HERC4: variants seen among roughly 807,000 people sequenced by gnomAD.
HERC4 encodes the protein probable E3 ubiquitin-protein ligase HERC4.
In HERC4, 28 loss-of-function variants were observed where a neutral mutation model predicts 124.3. The observed-to-expected ratio is 0.23, with a 90% CI of 0.17 to 0.31. The LOEUF (loss-of-function observed/expected upper bound fraction) is 0.31, where lower values mean the gene tolerates loss of function less well. Among genes scored for constraint, HERC4 ranks in the 10% least tolerant of loss-of-function variants. The pLI is 1.00. For missense variants in HERC4, 713 were observed against 1,229.3 expected, an observed-to-expected ratio of 0.58 and a Z score of 6.28; for synonymous variants, 407 against 421.5, an observed-to-expected ratio of 0.97 and a Z score of 0.42.
chr10:68,043,743 G>A (rs1303696573), intron 4 of HERC4, among the ~76,000 whole-genome samples: 1 of 150,982 alleles, frequency 6.6e-6, no homozygotes, highest in Non-Finnish European at 1.5e-5. Flanking sequence ...TTGAAACCAG[G>A]AGGTGGAGGT....
intron 21 of HERC4, among the ~76,000 whole-genome samples, chr10:67,937,173 C>G (rs1339500634): frequency 6.6e-6 from 1 of 151,692 alleles, no homozygotes; most frequent in South Asian, 2.1e-4. Flanking sequence ...CAATAAATAC[C>G]AAGTTTCTGA....
At chr10:67,986,089 C>T (rs1227289557) in intron 15 of HERC4, among the ~76,000 whole-genome samples, 1 of 152,110 alleles carries the variant, frequency 6.6e-6, no homozygotes, top group African/African-American at 2.4e-5. Flanking sequence ...TCTACAGATA[C>T]CTATTTATGG....
At chr10:68,065,256 C>G (rs1051386364) in intron 3 of HERC4, among the ~76,000 whole-genome samples, 2 of 151,566 alleles carry the variant, frequency 1.3e-5, no homozygotes, top group Non-Finnish European at 2.9e-5. Context: ...TAATTCTCTA[C>G]CAAGAACATG....
chr10:68,007,316 T>C (rs986065102), intron 9 of HERC4, among the ~76,000 whole-genome samples: 7 of 152,192 alleles, frequency 4.6e-5, no homozygotes, highest in Non-Finnish European at 1.0e-4. Context: ...TATTTCACCA[T>C]TGTTTTAATC....
chr10:67,945,116 G>C (rs1156757505), intron 19 of HERC4, among the ~76,000 whole-genome samples: 1 of 152,120 alleles, frequency 6.6e-6, no homozygotes, highest in Admixed American at 6.6e-5. Flanking sequence ...ACAGAATACA[G>C]AGCAAATTTA....
At chr10:67,936,116 C>A (rs2032334831) in intron 22 of HERC4, 37 bp downstream of exon 22, 2 of 1,320,328 alleles carry the variant, frequency 1.5e-6, no homozygotes, top group Non-Finnish European at 2.1e-6. Context: ...TCTACTGAAT[C>A]TTATTACTCC....
chr10:67,959,029 A>C (rs1230546539), intron 16 of HERC4: 3 of 1,173,002 alleles, frequency 2.6e-6, no homozygotes, highest in Non-Finnish European at 3.7e-6. Flanking sequence ...CACACCAAAA[A>C]AACGAATCTT....
chr10:67,991,632 C>T (rs2036557750), intron 11 of HERC4, among the ~76,000 whole-genome samples: 1 of 151,920 alleles, frequency 6.6e-6, no homozygotes. Context: ...CAAATACAAC[C>T]CATCATCCCA....
At chr10:67,948,929 AAAAT>A in intron 19 of HERC4, among the ~76,000 whole-genome samples, 1 of 150,682 alleles carries the variant, frequency 6.6e-6, no homozygotes, top group African/African-American at 2.4e-5. Context: ...TCACACCCTC[AAAAT>A]AAATAAATAA....
intron 3 of HERC4, among the ~76,000 whole-genome samples, chr10:68,060,540 T>C (rs533057092): frequency 6.6e-6 from 1 of 152,248 alleles, no homozygotes; most frequent in South Asian, 2.1e-4. Context: ...CGTCCAGCCA[T>C]AAATAATACA....
In HERC4 at chr10:67,962,539, C is replaced by T. The variant is rs185396824; in HGVS notation, c.1926+4144G>A. On this transcript the variant is annotated intron_variant, in intron 16 of 24. Transcript: ENST00000373700. ...GGCAAGAATATGAAAAATAATAGGA[C>T]GTGAAAAACTTCAGAAAAAGAGAGA... is the stretch of plus-strand genomic sequence containing the variant. Among the ~76,000 whole-genome samples the T allele has an allele frequency of 1.8e-4, 27 of 151,584 alleles. No homozygotes were observed. The East Asian group carries it at 2.9e-3, about 16-fold the overall frequency.
At chr10:68,012,880 T>C (rs892890860) in intron 9 of HERC4, among the ~76,000 whole-genome samples, 9 of 152,244 alleles carry the variant, frequency 5.9e-5, no homozygotes, top group African/African-American at 1.9e-4. Flanking sequence ...ATTATTATTT[T>C]ATCTTTTATG....
chr10:67,989,227 TCTAA>T (rs2036425841), intron 14 of HERC4, among the ~76,000 whole-genome samples: 1 of 152,098 alleles, frequency 6.6e-6, no homozygotes. Flanking sequence ...AAAGGATCTT[TCTAA>T]CTTTTATCTT....
chr10:68,026,187 G>A (rs1250625366), intron 7 of HERC4, among the ~76,000 whole-genome samples: 2 of 152,038 alleles, frequency 1.3e-5, no homozygotes, highest in East Asian at 3.9e-4. Flanking sequence ...CCTCAACCTC[G>A]TGGGCTCAGG....
chr10:67,991,878 T>A (rs2036571775), intron 11 of HERC4, among the ~76,000 whole-genome samples: 1 of 152,152 alleles, frequency 6.6e-6, no homozygotes, highest in African/African-American at 2.4e-5. Context: ...ACATATTTAA[T>A]TAAGATCTTT....
At chr10:68,021,691 C>T (rs1197507258) in intron 8 of HERC4, among the ~76,000 whole-genome samples, 2 of 152,068 alleles carry the variant, frequency 1.3e-5, no homozygotes, top group Non-Finnish European at 2.9e-5. Context: ...GCCTGTAATC[C>T]CAGCTACTTG....
chr10:68,013,901 T>C (rs2038114987), intron 9 of HERC4, 125 bp downstream of exon 9: 2 of 737,578 alleles, frequency 2.7e-6, no homozygotes, highest in African/African-American at 3.5e-5. Flanking sequence ...CATTGTTCTA[T>C]ATTTTGCTGT....
At chr10:67,946,905 T>TCAAAA (rs904066512) in intron 19 of HERC4, among the ~76,000 whole-genome samples, 3 of 152,062 alleles carry the variant, frequency 2.0e-5, no homozygotes, top group East Asian at 3.9e-4. Flanking sequence ...AGACTCTGTC[T>TCAAAA]CAAAACAAAA....
intron 15 of HERC4, among the ~76,000 whole-genome samples, chr10:67,981,855 C>CACTTGAAT (rs1478985796): frequency 6.6e-6 from 1 of 152,030 alleles, no homozygotes; most frequent in Non-Finnish European, 1.5e-5. Context: ...ACATGAGAAT[C>CACTTGAAT]ACTTGAATCG....
Sources: allele counts gnomAD v4.1 joint callset (sites outside exome capture counted in the v4.1 genomes callset), GRCh38; gene constraint gnomAD v4.1.1; transcripts MANE v1.5; gene names NCBI Gene and HGNC (gene_info 2026-07-23, HGNC 2026-07-21).